The following DPP10 variants were observed in gnomAD, a reference collection of about 807,000 sequenced individuals.
The protein encoded by DPP10 is dipeptidyl peptidase like 10, also known as inactive dipeptidyl peptidase 10.
Under a neutral mutation model 120.9 loss-of-function variants are expected in DPP10, and 33 were observed. The observed-to-expected ratio is 0.27, with a 90% confidence interval of 0.21 to 0.37. The LOEUF (loss-of-function observed/expected upper bound fraction) is 0.37, where lower values mean the gene tolerates loss of function less well. Among genes scored for constraint, DPP10 ranks in the 10% least tolerant of loss-of-function variants. DPP10 has a pLI of 1.00. For missense variants in DPP10, 816 were observed against 942.8 expected (o/e 0.87, Z 1.76); for synonymous variants, 337 against 326.1 (o/e 1.03, Z -0.36).
intron 1 of DPP10, among the ~76,000 whole-genome samples, chr2:114,873,715 ATT>A (rs3036397): frequency 0.98 from 148,656 of 152,126 alleles, 72,731 homozygotes; most frequent in East Asian, 1. Context: ...GCAGGATGTG[ATT>A]TTAAAATTAA....
At chr2:114,833,839 T>C (rs1027853291) in intron 1 of DPP10, 1 of 152,170 alleles carries the variant, frequency 6.6e-6, no homozygotes, top group South Asian at 2.1e-4. Context: ...CAAGAATTGA[T>C]ATGGTCAAAA....
chr2:115,483,337 A>C (rs1558733972), intron 3 of DPP10, among the ~76,000 whole-genome samples: 2 of 152,176 alleles, frequency 1.3e-5, no homozygotes, highest in South Asian at 2.1e-4. Context: ...AACCAGCTCC[A>C]AAATTAAATA....
intron 1 of DPP10, among the ~76,000 whole-genome samples, chr2:115,210,232 C>T (rs143644812): frequency 1.3e-5 from 2 of 152,180 alleles, no homozygotes; most frequent in South Asian, 4.1e-4. Context: ...CAAGTGTTCT[C>T]ATTGTTCAGT....
chr2:114,701,290 T>C (rs991299642), intron 1 of DPP10, among the ~76,000 whole-genome samples: 1 of 152,074 alleles, frequency 6.6e-6, no homozygotes, highest in Non-Finnish European at 1.5e-5. Flanking sequence ...GGAGATGGGT[T>C]CCATTATTAT....
chr2:115,534,318 A>G (rs1394464854), intron 5 of DPP10, among the ~76,000 whole-genome samples: 1 of 151,294 alleles, frequency 6.6e-6, no homozygotes, highest in Non-Finnish European at 1.5e-5. Context: ...TGTCCATGTG[A>G]TCTCATTGTT....
At chr2:114,781,847 C>A (rs1682354061) in intron 1 of DPP10, among the ~76,000 whole-genome samples, 1 of 152,126 alleles carries the variant, frequency 6.6e-6, no homozygotes, top group Non-Finnish European at 1.5e-5. Context: ...CTGGAAGGAG[C>A]GTCCAGGGCC....
chr2:114,863,056 G>C (rs1351650790), intron 1 of DPP10, among the ~76,000 whole-genome samples: 1 of 152,168 alleles, frequency 6.6e-6, no homozygotes, highest in Non-Finnish European at 1.5e-5. Flanking sequence ...GTGTGTGTGT[G>C]TGTGCATGCA....
intron 1 of DPP10, among the ~76,000 whole-genome samples, chr2:115,009,364 G>A (rs1196779208): frequency 6.6e-6 from 1 of 151,928 alleles, no homozygotes; most frequent in Non-Finnish European, 1.5e-5. Context: ...TCACTCATGG[G>A]TGGGAATTGA....
intron 4 of DPP10, among the ~76,000 whole-genome samples, chr2:115,514,702 AT>A (rs2077408111): frequency 6.6e-6 from 1 of 151,918 alleles, no homozygotes; most frequent in Non-Finnish European, 1.5e-5. Context: ...CAAGTTTTCA[AT>A]AGCTAAATGA....
intron 3 of DPP10, among the ~76,000 whole-genome samples, chr2:115,430,040 G>A (rs777223341): frequency 6.6e-6 from 1 of 152,024 alleles, no homozygotes; most frequent in Non-Finnish European, 1.5e-5. Context: ...GGTTCTGCGT[G>A]GTATTCTTTT....
At position 115,495,248 on chromosome 2, in the gene DPP10, T is replaced by C. The variant is rs1408187555; in HGVS notation, c.272-4262T>C. 3.3e-5 allele frequency among the ~76,000 whole-genome samples: 5 copies of C among 150,904 alleles called. No homozygotes were observed. In the East Asian group the frequency reaches 9.8e-4, roughly 30 times the overall value. On this transcript the variant is annotated intron_variant, in intron 3 of 25. Coordinates refer to ENST00000410059, the MANE Select transcript of DPP10 (RefSeq NM_020868.6). ...TTAGGCACATTTCAAGACGTAATAGTTTAGGATTGGTGAACACAGAAAGGC... is the reference window on the plus strand; with the variant it reads ...TTAGGCACATTTCAAGACGTAATAGCTTAGGATTGGTGAACACAGAAAGGC...
chr2:114,638,227 AT>A (rs1558955367), intron 1 of DPP10, among the ~76,000 whole-genome samples: 1 of 151,644 alleles, frequency 6.6e-6, no homozygotes, highest in Non-Finnish European at 1.5e-5. Flanking sequence ...AGGTATGTCC[AT>A]TTTTTTGCAG....
chr2:115,832,736 G>A (rs1689061289), intron 21 of DPP10, among the ~76,000 whole-genome samples: 1 of 151,934 alleles, frequency 6.6e-6, no homozygotes. Context: ...AGAATCACAT[G>A]GGGAGATCCA....
chr2:115,288,331 T>C (rs1397593981), intron 1 of DPP10, among the ~76,000 whole-genome samples: 11 of 152,120 alleles, frequency 7.2e-5, no homozygotes, highest in Non-Finnish European at 1.3e-4. Flanking sequence ...TATAACTTCT[T>C]TTGAGAAATA....
At chr2:114,858,721 A>G (rs1689563518) in intron 1 of DPP10, among the ~76,000 whole-genome samples, 1 of 152,176 alleles carries the variant, frequency 6.6e-6, no homozygotes, top group Non-Finnish European at 1.5e-5. Context: ...ATATAGAATA[A>G]TATTAGTATT....
intron 1 of DPP10, among the ~76,000 whole-genome samples, chr2:114,670,514 ACT>A (rs1399030783): frequency 6.9e-6 from 1 of 144,816 alleles, no homozygotes; most frequent in African/African-American, 2.6e-5. Context: ...GGAACATCAC[ACT>A]CTGGGGACTG....
chr2:115,525,765 A>G lies in DPP10; in HGVS notation c.367-133A>G, dbSNP rs2078093712. On this transcript the variant is annotated intron_variant, in intron 4 of 25. Transcript: ENST00000410059. ...AATAATCATACATACATACATGCAA[A>G]TATGTATACAATATAAAAGAAATGA... 2.1e-5 allele frequency: 13 copies of G among 624,716 alleles called. No homozygotes were observed. The East Asian group carries it at 3.7e-4, about 18-fold the overall frequency. 38.7% of individuals were successfully genotyped at this position (624,716 alleles called of 1,614,324 possible). A position where few individuals can be genotyped will look rare whatever the true frequency, so the allele number is the denominator to read the frequency against.
chr2:115,250,043 A>G (rs1215391297), intron 1 of DPP10, among the ~76,000 whole-genome samples: 2 of 152,144 alleles, frequency 1.3e-5, no homozygotes, highest in African/African-American at 2.4e-5. Flanking sequence ...CTGCTTAAGC[A>G]GTCTCCAAAT....
intron 1 of DPP10, among the ~76,000 whole-genome samples, chr2:114,856,296 AGATAT>A (rs1353858394): frequency 1.3e-5 from 2 of 152,158 alleles, no homozygotes; most frequent in Non-Finnish European, 2.9e-5. Flanking sequence ...AATTCTCATA[AGATAT>A]AAGTAGAAAT....
Sources: gnomAD v4.1 joint callset for allele counts (sites outside exome capture counted in the v4.1 genomes callset) on GRCh38, gnomAD v4.1.1 for gene constraint, MANE v1.5 for transcripts, NCBI Gene and HGNC (gene_info 2026-07-23, HGNC 2026-07-21) for gene names.